The following PTPRK variants were observed in gnomAD, a reference collection of about 807,000 sequenced individuals.
The protein encoded by PTPRK is receptor-type tyrosine-protein phosphatase kappa.
PTPRK carries 75 observed loss-of-function variants against 178.0 expected under a neutral mutation model. The observed-to-expected ratio is 0.42, with a 90% CI of 0.35 to 0.51. PTPRK has a LOEUF of 0.51. PTPRK is among the 20% of genes least tolerant of loss of function. The pLI, the probability that PTPRK is intolerant of heterozygous loss-of-function variation, is 0.02. For synonymous variants in PTPRK, 637 were observed against 620.6 expected, an observed-to-expected ratio of 1.03 and a Z score of -0.39; for missense variants, 1,441 against 1,797.8, an observed-to-expected ratio of 0.80 and a Z score of 3.59.
intron 13 of PTPRK, among the ~76,000 whole-genome samples, chr6:128,025,712 A>T (rs2114777423): frequency 1.3e-5 from 2 of 152,280 alleles, no homozygotes; most frequent in South Asian, 4.1e-4. Flanking sequence ...AAGAGAACTC[A>T]TTCCTTGCCT....
chr6:128,329,382 A>ACACAC (rs1829981071), intron 2 of PTPRK, among the ~76,000 whole-genome samples: 1 of 145,616 alleles, frequency 6.9e-6, no homozygotes, highest in African/African-American at 2.5e-5. Context: ...TATATAGATA[A>ACACAC]ACACACACAC....
intron 3 of PTPRK, among the ~76,000 whole-genome samples, chr6:128,252,807 T>C (rs945714387): frequency 4.6e-5 from 7 of 152,220 alleles, no homozygotes; most frequent in African/African-American, 1.7e-4. Context: ...AAAGATATTA[T>C]ACACAAATTA....
chr6:128,514,079 A>T (rs1485345157), intron 1 of PTPRK, among the ~76,000 whole-genome samples: 3 of 152,138 alleles, frequency 2.0e-5, no homozygotes, highest in Non-Finnish European at 4.4e-5. Context: ...TCGGCCTATG[A>T]GCAGCTGGTT....
chr6:128,382,234 T>C (rs1055914382), intron 2 of PTPRK, among the ~76,000 whole-genome samples: 2 of 151,482 alleles, frequency 1.3e-5, no homozygotes, highest in African/African-American at 4.8e-5. Flanking sequence ...CAAAATGGTT[T>C]ATATGATATG....
chr6:128,197,453 T>C (rs1583439134), intron 6 of PTPRK, among the ~76,000 whole-genome samples: 1 of 152,170 alleles, frequency 6.6e-6, no homozygotes, highest in East Asian at 1.9e-4. Context: ...CTATACAGCA[T>C]AATAATTTGC....
intron 1 of PTPRK, among the ~76,000 whole-genome samples, chr6:128,417,547 C>T (rs2128384007): frequency 6.6e-6 from 1 of 152,300 alleles, no homozygotes; most frequent in African/African-American, 2.4e-5. Context: ...CACTTTAATA[C>T]AAGAAAACTA....
chr6:128,265,754 G>A (rs1818845272), intron 3 of PTPRK, among the ~76,000 whole-genome samples: 1 of 152,150 alleles, frequency 6.6e-6, no homozygotes, highest in African/African-American at 2.4e-5. Context: ...ACTTCTTAGT[G>A]TATTTTAGAG....
chr6:128,344,879 A>G (rs1440679506), intron 2 of PTPRK, among the ~76,000 whole-genome samples: 1 of 152,076 alleles, frequency 6.6e-6, no homozygotes, highest in African/African-American at 2.4e-5. Flanking sequence ...ACCTCTGTAG[A>G]CAGAAGAAAA....
At chr6:128,389,682 C>T (rs1438354374) in intron 2 of PTPRK, among the ~76,000 whole-genome samples, 6 of 151,872 alleles carry the variant, frequency 4.0e-5, no homozygotes, top group African/African-American at 1.2e-4. Flanking sequence ...GTGTTCCTAT[C>T]TTAATTCATC....
intron 13 of PTPRK, among the ~76,000 whole-genome samples, chr6:128,044,820 T>G (rs1018121016): frequency 6.6e-6 from 1 of 152,036 alleles, no homozygotes; most frequent in Non-Finnish European, 1.5e-5. Flanking sequence ...GATTACTTAA[T>G]TTGTATATAT....
chr6:128,487,499 A>T (rs1007673568), intron 1 of PTPRK, among the ~76,000 whole-genome samples: 10 of 151,646 alleles, frequency 6.6e-5, no homozygotes, highest in African/African-American at 2.4e-4. Context: ...CTCCTCCAAA[A>T]CAGGCCATAA....
intron 13 of PTPRK, among the ~76,000 whole-genome samples, chr6:128,055,183 A>G (rs1243012006): frequency 6.6e-6 from 1 of 152,220 alleles, no homozygotes; most frequent in African/African-American, 2.4e-5. Context: ...GAAAAGTTAC[A>G]AAGTTTATTT....
At chr6:128,145,289 T>C (rs1008914686) in intron 7 of PTPRK, among the ~76,000 whole-genome samples, 1 of 151,878 alleles carries the variant, frequency 6.6e-6, no homozygotes, top group Non-Finnish European at 1.5e-5. Context: ...ATAATAATAA[T>C]AATAATGTAG....
intron 1 of PTPRK, among the ~76,000 whole-genome samples, chr6:128,442,701 G>T (rs751662317): frequency 2.6e-5 from 4 of 152,112 alleles, no homozygotes; most frequent in Non-Finnish European, 5.9e-5. Flanking sequence ...AACTAAACTT[G>T]TGCAAAAATG....
intron 1 of PTPRK, among the ~76,000 whole-genome samples, chr6:128,456,397 A>C (rs546510237): frequency 6.6e-6 from 1 of 152,240 alleles, no homozygotes; most frequent in East Asian, 1.9e-4. Context: ...TGTAGATTCA[A>C]CAAAATTTGT....
chr6:128,442,273 T>C (rs1046998458), intron 1 of PTPRK, among the ~76,000 whole-genome samples: 8 of 152,206 alleles, frequency 5.3e-5, no homozygotes, highest in African/African-American at 1.9e-4. Flanking sequence ...AGTCACCTCA[T>C]TTTTCAATTC....
chr6:128,073,495 T>C (rs1274296099), intron 11 of PTPRK, among the ~76,000 whole-genome samples: 1 of 152,044 alleles, frequency 6.6e-6, no homozygotes, highest in Non-Finnish European at 1.5e-5. Context: ...AGAAGATTTA[T>C]ACTACTTGGG....
chr6:128,026,776 T>C (rs147844907), intron 13 of PTPRK, among the ~76,000 whole-genome samples: 84 of 152,318 alleles, frequency 5.5e-4, no homozygotes, highest in African/African-American at 2.0e-3. Flanking sequence ...CACTGTGATA[T>C]GTAGAATATA....
intron 6 of PTPRK, among the ~76,000 whole-genome samples, chr6:128,202,970 C>A (rs117277341): frequency 6.6e-6 from 1 of 152,174 alleles, no homozygotes; most frequent in Non-Finnish European, 1.5e-5. Flanking sequence ...AAACTTCAGG[C>A]CAACATCCTT....
Sources: gnomAD v4.1 joint callset for allele counts (sites outside exome capture counted in the v4.1 genomes callset) on GRCh38, gnomAD v4.1.1 for gene constraint, MANE v1.5 for transcripts, NCBI Gene and HGNC (gene_info 2026-07-23, HGNC 2026-07-21) for gene names.